LRMDA: variants seen among roughly 807,000 people sequenced by gnomAD.
The protein encoded by LRMDA is leucine-rich melanocyte differentiation-associated protein.
Under a neutral mutation model 29.8 loss-of-function variants are expected in LRMDA, and 18 were observed. The observed-to-expected ratio is 0.60, with a 90% CI of 0.42 to 0.90. The LOEUF is 0.90. Ranked by LOEUF, LRMDA falls within the 40% of genes least tolerant of loss-of-function variation. LRMDA has a pLI of 0.00. For synonymous variants in LRMDA, 125 were observed against 109.4 expected, an observed-to-expected ratio of 1.14 and a Z score of -0.89; for missense variants, 273 against 273.9, an observed-to-expected ratio of 1.00 and a Z score of 0.02.
intron 5 of LRMDA, among the ~76,000 whole-genome samples, chr10:76,313,848 A>G (rs1373046937): frequency 2.6e-5 from 4 of 151,888 alleles, no homozygotes; most frequent in Non-Finnish European, 5.9e-5. Flanking sequence ...ATTTTGGCCA[A>G]ACTCTTGTAT....
intron 2 of LRMDA, among the ~76,000 whole-genome samples, chr10:75,993,753 T>A (rs1473751881): frequency 6.6e-6 from 1 of 151,322 alleles, no homozygotes; most frequent in African/African-American, 2.4e-5. Flanking sequence ...AAAGAAACCA[T>A]GACTCATTTA....
chr10:76,474,411 CAAAG>C (rs929847711), intron 6 of LRMDA, among the ~76,000 whole-genome samples: 1 of 151,446 alleles, frequency 6.6e-6, no homozygotes, highest in Non-Finnish European at 1.5e-5. Context: ...TTGGGTGCCT[CAAAG>C]AACATCATCA....
chr10:75,970,802 G>A (rs1365073959), intron 2 of LRMDA, among the ~76,000 whole-genome samples: 1 of 152,204 alleles, frequency 6.6e-6, no homozygotes, highest in Non-Finnish European at 1.5e-5. Flanking sequence ...TCAGCTCCGT[G>A]TGAGCTGACT....
At chr10:75,566,064 G>A (rs1281023617) in intron 2 of LRMDA, among the ~76,000 whole-genome samples, 1 of 152,180 alleles carries the variant, frequency 6.6e-6, no homozygotes, top group Non-Finnish European at 1.5e-5. Flanking sequence ...GACAGAGTGA[G>A]ATCCTGTAAG....
chr10:76,037,560 G>C (rs1442084501), intron 3 of LRMDA, among the ~76,000 whole-genome samples: 1 of 152,198 alleles, frequency 6.6e-6, no homozygotes, highest in African/African-American at 2.4e-5. Flanking sequence ...CCGTACATGA[G>C]GTGGCTTAAA....
intron 5 of LRMDA, among the ~76,000 whole-genome samples, chr10:76,320,812 C>G (rs1589426321): frequency 6.6e-6 from 1 of 152,202 alleles, no homozygotes; most frequent in East Asian, 1.9e-4. Flanking sequence ...TAGCCCCAGT[C>G]CTACTACACT....
At chr10:75,993,206 A>G (rs1371233314) in intron 2 of LRMDA, among the ~76,000 whole-genome samples, 1 of 151,980 alleles carries the variant, frequency 6.6e-6, no homozygotes, top group Non-Finnish European at 1.5e-5. Flanking sequence ...AAATTCTTTG[A>G]TCCAAAGCTA....
At chr10:76,431,027 T>G (rs1378542013) in intron 6 of LRMDA, among the ~76,000 whole-genome samples, 2 of 152,218 alleles carry the variant, frequency 1.3e-5, no homozygotes, top group Non-Finnish European at 2.9e-5. Context: ...ATAATCCTTA[T>G]TCTATGCTGA....
At chr10:76,378,620 T>C (rs941374241) in intron 6 of LRMDA, among the ~76,000 whole-genome samples, 1 of 152,164 alleles carries the variant, frequency 6.6e-6, no homozygotes, top group Non-Finnish European at 1.5e-5. Flanking sequence ...CTGTTTTTTT[T>C]CTACGTCTAT....
intron 6 of LRMDA, among the ~76,000 whole-genome samples, chr10:76,339,541 A>G (rs966221551): frequency 6.6e-6 from 1 of 152,034 alleles, no homozygotes; most frequent in Non-Finnish European, 1.5e-5. Flanking sequence ...TAAAAAACCA[A>G]GCAAACCTAA....
chr10:76,142,551 A>C (rs910002205), intron 5 of LRMDA, among the ~76,000 whole-genome samples: 1 of 151,820 alleles, frequency 6.6e-6, no homozygotes, highest in African/African-American at 2.4e-5. Flanking sequence ...TTTTTCACTC[A>C]ACATTGTGTT....
chr10:76,445,431 C>T (rs1842345275), intron 6 of LRMDA, among the ~76,000 whole-genome samples: 1 of 152,288 alleles, frequency 6.6e-6, no homozygotes, highest in Admixed American at 6.5e-5. Context: ...CCTCAGAGGT[C>T]TGTTTGCTTC....
chr10:75,505,878 T>G (rs549177959), intron 2 of LRMDA, among the ~76,000 whole-genome samples: 13 of 152,364 alleles, frequency 8.5e-5, no homozygotes, highest in African/African-American at 3.1e-4. Context: ...GTTACTATTG[T>G]GTGTCTCAGT....
At chr10:76,528,751 T>C (rs1430309288) in intron 6 of LRMDA, among the ~76,000 whole-genome samples, 1 of 152,152 alleles carries the variant, frequency 6.6e-6, no homozygotes, top group Non-Finnish European at 1.5e-5. Flanking sequence ...ATGTAGGCAG[T>C]CCATAGCTGT....
chr10:76,088,580 G>A (rs1035714732), intron 5 of LRMDA, among the ~76,000 whole-genome samples: 7 of 152,172 alleles, frequency 4.6e-5, no homozygotes, highest in Admixed American at 6.5e-5. Context: ...TCAGGCTCTC[G>A]AAAGGGAAAT....
Position 75,564,519 on chromosome 10 carries a change from G to A in LRMDA, c.131+126025G>A, listed in dbSNP as rs200053410. Among the ~76,000 whole-genome samples, 9 of 152,196 alleles carry A rather than the reference G, an allele frequency of 5.9e-5. No homozygotes were observed. In the South Asian group the frequency reaches 6.2e-4, roughly 10 times the overall value. On this transcript the variant is annotated intron_variant, in intron 2 of 6. Transcript: ENST00000611255. ...GCAATGCCTCATCCTGCTTCAGCGCGCGCATGGTGCGCTGCACCCACTGTC... is the reference window on the plus strand; with the variant it reads ...GCAATGCCTCATCCTGCTTCAGCGCACGCATGGTGCGCTGCACCCACTGTC...
At chr10:75,497,207 C>A (rs1845056192) in intron 2 of LRMDA, among the ~76,000 whole-genome samples, 1 of 151,962 alleles carries the variant, frequency 6.6e-6, no homozygotes, top group Non-Finnish European at 1.5e-5. Flanking sequence ...ATAGAAAGAT[C>A]CAGTTTTTTT....
In LRMDA at chr10:75,884,245, TTGTGTGTGTG is replaced by T. The variant is rs57507869; in HGVS notation, c.132-151725_132-151716del. On this transcript the variant is annotated intron_variant, in intron 2 of 6. Transcript: ENST00000611255. ...CTAGTGTTTGGAAGGGCAGGCGACT[TTGTGTGTGTG>T]TGTGTGTGTGTGTGTGTGTGTGTGT... Among the ~76,000 whole-genome samples the T allele has an allele frequency of 2.1e-3, 230 of 109,564 alleles. 1 individual carries two copies. The highest frequency in any genetic ancestry group is 3.8e-3 in the South Asian group (11 of 2,894). 71.9% of individuals were successfully genotyped at this position (109,564 alleles called of 152,430 possible). A position where few individuals can be genotyped will look rare whatever the true frequency, so the allele number is the denominator to read the frequency against.
chr10:76,053,534 C>T (rs550147679), intron 4 of LRMDA, among the ~76,000 whole-genome samples: 1 of 151,176 alleles, frequency 6.6e-6, no homozygotes, highest in East Asian at 1.9e-4. Context: ...GTATTACACT[C>T]AGGATTGAAG....
Sources: allele counts gnomAD v4.1 joint callset (sites outside exome capture counted in the v4.1 genomes callset), GRCh38; gene constraint gnomAD v4.1.1; transcripts MANE v1.5; gene names NCBI Gene and HGNC (gene_info 2026-07-23, HGNC 2026-07-21).